Variants in TENM3 observed in about 807,000 individuals in gnomAD.
TENM3 encodes teneurin-3.
TENM3 carries 63 observed loss-of-function variants against 255.1 expected under a neutral mutation model. The ratio of observed to expected loss-of-function variants is 0.25; its 90% CI spans 0.20 to 0.30. The LOEUF (loss-of-function observed/expected upper bound fraction) is 0.30. TENM3 is among the 10% of genes least tolerant of loss of function. The probability of loss-of-function intolerance (pLI) is 1.00; values close to 1 mark genes in which losing one functional copy is unlikely to be tolerated. For synonymous variants in TENM3, 1,306 were observed against 1,322.3 expected (o/e 0.99, Z 0.27); for missense variants, 2,929 against 3,461.1 (o/e 0.85, Z 3.86).
At chr4:181,923,108 T>G in the TENM3 span, among the ~76,000 whole-genome samples, 2 of 152,194 alleles carry the variant, frequency 1.3e-5, no homozygotes, top group East Asian at 1.9e-4. Context: ...GACAGTTTGT[T>G]ATAATTTCTG....
At chr4:182,379,257 T>C (rs540683354) in intron 3 of TENM3, among the ~76,000 whole-genome samples, 1 of 151,286 alleles carries the variant, frequency 6.6e-6, no homozygotes, top group Non-Finnish European at 1.5e-5. Context: ...CTCGGGAGGC[T>C]GAGGCAGGAG....
chr4:182,343,665 G>A (rs1028993377), intron 2 of TENM3, among the ~76,000 whole-genome samples: 6 of 55,570 alleles, frequency 1.1e-4, no homozygotes, highest in Admixed American at 7.8e-4. Flanking sequence ...CCTCCACACC[G>A]CTTGTCGCAG....
At chr4:181,629,732 G>T in the TENM3 span, among the ~76,000 whole-genome samples, 5 of 152,152 alleles carry the variant, frequency 3.3e-5, no homozygotes, top group Non-Finnish European at 5.9e-5. Context: ...GCTGGATTCG[G>T]TTTGCCAGTA....
chr4:181,768,805 A>T, the TENM3 span, among the ~76,000 whole-genome samples: 1 of 152,188 alleles, frequency 6.6e-6, no homozygotes, highest in Non-Finnish European at 1.5e-5. Flanking sequence ...TGTTTTCTCA[A>T]TCTTATAGGC....
chr4:181,897,075 C>T, the TENM3 span, among the ~76,000 whole-genome samples: 4 of 152,298 alleles, frequency 2.6e-5, no homozygotes, highest in Non-Finnish European at 4.4e-5. Context: ...TGAAAAGGCT[C>T]GATTCCTCCA....
At chr4:182,765,603 C>CT in intron 22 of TENM3, among the ~76,000 whole-genome samples, 1 of 152,072 alleles carries the variant, frequency 6.6e-6, no homozygotes, top group African/African-American at 2.4e-5. Context: ...TCATCTTAGG[C>CT]TTTTTTTCCT....
At chr4:181,654,505 G>C in the TENM3 span, among the ~76,000 whole-genome samples, 1 of 152,076 alleles carries the variant, frequency 6.6e-6, no homozygotes, top group African/African-American at 2.4e-5. Flanking sequence ...TATAATCCCA[G>C]CACTTTGGGA....
intron 12 of TENM3, among the ~76,000 whole-genome samples, chr4:182,708,645 A>G (rs1473848573): frequency 6.6e-6 from 1 of 152,098 alleles, no homozygotes; most frequent in Admixed American, 6.5e-5. Flanking sequence ...TAAAAATACA[A>G]AAATTAGCCA....
At chr4:181,971,853 C>T in the TENM3 span, among the ~76,000 whole-genome samples, 2 of 152,064 alleles carry the variant, frequency 1.3e-5, no homozygotes, top group African/African-American at 4.8e-5. Context: ...TACAGTCATG[C>T]ACCACTGCAC....
At chr4:182,055,931 G>A in the TENM3 span, among the ~76,000 whole-genome samples, 3 of 152,140 alleles carry the variant, frequency 2.0e-5, no homozygotes, top group East Asian at 3.9e-4. Flanking sequence ...ATAATACAGG[G>A]TTGGAGAAGC....
At chr4:181,864,001 G>T in the TENM3 span, among the ~76,000 whole-genome samples, 1 of 152,118 alleles carries the variant, frequency 6.6e-6, no homozygotes, top group Non-Finnish European at 1.5e-5. Context: ...TAGATTTCAA[G>T]AACTCTAACA....
chr4:181,780,468 C>G, the TENM3 span, among the ~76,000 whole-genome samples: 1 of 152,172 alleles, frequency 6.6e-6, no homozygotes, highest in African/African-American at 2.4e-5. Context: ...CCTTCACCCA[C>G]TTTTTGATGG....
chr4:182,267,437 G>A (rs1480576685), intron 1 of TENM3, among the ~76,000 whole-genome samples: 2 of 152,106 alleles, frequency 1.3e-5, no homozygotes, highest in African/African-American at 4.8e-5. Context: ...TTCCTTTAAG[G>A]AATTAAACTT....
chr4:181,878,187 T>A, the TENM3 span, among the ~76,000 whole-genome samples: 114,242 of 151,982 alleles, frequency 0.75, 43,021 homozygotes, highest in East Asian at 0.79. Flanking sequence ...AGAATGGTGG[T>A]CATCTGGCTG....
At chr4:182,104,837 T>C in the TENM3 span, among the ~76,000 whole-genome samples, 1 of 152,076 alleles carries the variant, frequency 6.6e-6, no homozygotes, top group Non-Finnish European at 1.5e-5. Flanking sequence ...TTTGTTGTTG[T>C]AGGTCAGGTT....
At chr4:181,859,321 C>T in the TENM3 span, among the ~76,000 whole-genome samples, 1 of 147,028 alleles carries the variant, frequency 6.8e-6, no homozygotes, top group Non-Finnish European at 1.5e-5. Flanking sequence ...TAGCTTTTAT[C>T]AAGAAGTGTC....
intron 12 of TENM3, among the ~76,000 whole-genome samples, chr4:182,709,985 G>T (rs1758628988): frequency 6.6e-6 from 1 of 152,146 alleles, no homozygotes; most frequent in Non-Finnish European, 1.5e-5. Context: ...ACCTTTACCT[G>T]TAAATCAATC....
intron 3 of TENM3, among the ~76,000 whole-genome samples, chr4:182,381,986 T>C (rs1446820619): frequency 6.6e-6 from 1 of 152,202 alleles, no homozygotes; most frequent in Non-Finnish European, 1.5e-5. Context: ...CTGACATTGC[T>C]AGAATTAGAA....
chr4:181,643,741 A>G, the TENM3 span, among the ~76,000 whole-genome samples: 3 of 152,178 alleles, frequency 2.0e-5, no homozygotes, highest in African/African-American at 7.2e-5. Context: ...TGCATGAAAT[A>G]AGGCCTTCAG....
Sources: allele counts gnomAD v4.1 joint callset (sites outside exome capture counted in the v4.1 genomes callset), GRCh38; gene constraint gnomAD v4.1.1; transcripts MANE v1.5; gene names NCBI Gene and HGNC (gene_info 2026-07-23, HGNC 2026-07-21).